GPR55: variants seen among roughly 807,000 people sequenced by gnomAD.
The protein encoded by GPR55 is G protein-coupled receptor 55, also known as G-protein coupled receptor 55.
A neutral mutation model predicts 7.9 loss-of-function variants in GPR55; 6 were observed. The ratio of observed to expected loss-of-function variants is 0.76; its 90% CI spans 0.41 to 1.49. GPR55 has a LOEUF of 1.49. GPR55 is among the 40% of genes most tolerant of loss of function. The probability of loss-of-function intolerance (pLI) is 0.01; values close to 1 mark genes in which losing one functional copy is unlikely to be tolerated. For missense variants in GPR55, 376 were observed against 406.0 expected, an observed-to-expected ratio of 0.93 and a Z score of 0.63; for synonymous variants, 183 against 166.8, an observed-to-expected ratio of 1.10 and a Z score of -0.75.
chr2:230,934,026 C>A (rs1407011012), intron 1 of GPR55, among the ~76,000 whole-genome samples: 1 of 152,134 alleles, frequency 6.6e-6, no homozygotes, highest in Admixed American at 6.5e-5. Flanking sequence ...TCCCTCTCCT[C>A]GCCTCTATTG....
chr2:230,956,511 A>C (rs987658790), intron 1 of GPR55, among the ~76,000 whole-genome samples: 22 of 152,198 alleles, frequency 1.4e-4, no homozygotes, highest in Admixed American at 7.9e-4. Flanking sequence ...AAAAGTTGAA[A>C]ATCAGTTAAA....
chr2:230,941,427 A>T (rs1476225498), intron 1 of GPR55, among the ~76,000 whole-genome samples: 1 of 152,234 alleles, frequency 6.6e-6, no homozygotes, highest in Non-Finnish European at 1.5e-5. Context: ...CCCCGCTCCC[A>T]GACCCAGGAC....
chr2:230,911,048 CAA>C lies in GPR55; in HGVS notation c.-88_-87del. The C allele has an allele frequency of 7.5e-7, 1 of 1,340,596 alleles. No individual in the cohort carries two copies. Among genetic ancestry groups the C allele is most frequent in the Non-Finnish European group, 1.0e-6 (1 of 970,188 alleles). The allele number at this position is 1,340,596 out of a possible 1,614,324, so 83.0% of individuals were successfully genotyped here. ...ATTCAAATGACTTTGTCAAGAATCACAAACACCTCCCCAGCATCACACAGCAA... is the reference window on the plus strand; with the variant it reads ...ATTCAAATGACTTTGTCAAGAATCACACACCTCCCCAGCATCACACAGCAA... On this transcript the variant is annotated 5_prime_UTR_variant, in exon 2 of 2. It removes the in-frame stop codon of an upstream open reading frame in the 5' UTR. Coordinates refer to ENST00000650999, the MANE Select transcript of GPR55 (RefSeq NM_005683.4).
intron 1 of GPR55, among the ~76,000 whole-genome samples, chr2:230,960,335 G>T (rs961124557): frequency 6.6e-6 from 1 of 152,174 alleles, no homozygotes; most frequent in African/African-American, 2.4e-5. Flanking sequence ...AGCCAGGAAG[G>T]TAAGATACAG....
At position 230,931,693 on chromosome 2, in the gene GPR55, C is replaced by T. The variant is rs116820336; in HGVS notation, c.-134-20597G>A. 3.9e-3 allele frequency among the ~76,000 whole-genome samples: 591 copies of T among 152,252 alleles called. 1 individual carries two copies. The highest frequency in any genetic ancestry group is 0.013 in the African/African-American group (557 of 41,538). On this transcript the variant is annotated intron_variant, in intron 1 of 1. Transcript: ENST00000392039. ...ACGAGGGCCCCACTTCACAGTCTGG[C>T]CTCACGGTGCGACCTCCTGCTGCTC...
intron 1 of GPR55, among the ~76,000 whole-genome samples, chr2:230,912,163 C>T (rs1373244949): frequency 6.6e-6 from 1 of 152,194 alleles, no homozygotes; most frequent in Non-Finnish European, 1.5e-5. Flanking sequence ...GAATGTGCCA[C>T]ATTCACTAGA....
intron 1 of GPR55, among the ~76,000 whole-genome samples, chr2:230,947,846 G>T (rs557399101): frequency 6.8e-4 from 104 of 152,122 alleles, no homozygotes; most frequent in African/African-American, 2.4e-3. Context: ...AACTTCAGCT[G>T]GTGCCCCCCC....
At chr2:230,950,438 C>T (rs1022147219) in intron 1 of GPR55, among the ~76,000 whole-genome samples, 1 of 152,168 alleles carries the variant, frequency 6.6e-6, no homozygotes, top group East Asian at 1.9e-4. Flanking sequence ...TCTCTTTCCC[C>T]TCTTTTTTGT....
In GPR55 at chr2:230,949,839, A is replaced by T. The variant is rs915192675; in HGVS notation, c.-135+10936T>A. ...TAATGCTTCTCTTCTCACTAAATTT[A>T]TTTTTTTTTTTTGAGACAAGAGTCT... On this transcript the variant is annotated intron_variant, in intron 1 of 1. Transcript: ENST00000392039. 6.1e-5 allele frequency among the ~76,000 whole-genome samples: 9 copies of T among 148,226 alleles called. No homozygotes were observed. The East Asian group carries it at 9.9e-4, about 16-fold the overall frequency.
At chr2:230,928,811 C>T (rs554350498), upstream of GPR55, among the ~76,000 whole-genome samples, 1 of 152,268 alleles carries the variant, frequency 6.6e-6, no homozygotes, top group South Asian at 2.1e-4. Context: ...GAAGAAGAGG[C>T]AAAGAGAGGA....
rs1475528337 is a variant in GPR55 at position 230,944,703 on chromosome 2, C to G, written c.-135+16072G>C. On this transcript the variant is annotated intron_variant, in intron 1 of 1. Coordinates refer to the GPR55 transcript ENST00000392039. This position sits in a 1 kb window ranked among gnomAD's most constrained non-coding sequence, Gnocchi z 4.2. ...AAATTTACTTTGATCTCATGTACCC[C>G]GTAAATACAGACACCTACTATGTAC... Among the ~76,000 whole-genome samples, 1 of 152,064 alleles carries G rather than the reference C, an allele frequency of 6.6e-6. No homozygotes were observed. Among genetic ancestry groups the G allele is most frequent in the Admixed American group, 6.5e-5 (1 of 15,272 alleles).
chr2:230,916,421 C>T (rs1287509011), intron 1 of GPR55, among the ~76,000 whole-genome samples: 2 of 148,472 alleles, frequency 1.3e-5, no homozygotes, highest in African/African-American at 2.5e-5. Flanking sequence ...ACTATTTGGG[C>T]GGCTATGTGG....
upstream of GPR55, among the ~76,000 whole-genome samples, chr2:230,927,140 C>T (rs929622436): frequency 6.6e-6 from 1 of 152,030 alleles, no homozygotes. Context: ...CTCCTAAATC[C>T]AGCTCTCACC....
rs774265920 is a variant in GPR55, at chr2:230,944,991, C to A, written c.-135+15784G>T. The stretch of plus-strand genomic sequence containing the variant: ...AACCAGGTAAGGTTCCCGCACATCG[C>A]CCTCCATGAAGCAGGAGCAGGAGCC... On this transcript the variant is annotated intron_variant, in intron 1 of 1. Coordinates refer to the GPR55 transcript ENST00000392039. This position sits in a 1 kb window ranked among gnomAD's most constrained non-coding sequence, Gnocchi z 4.2. 1.7e-4 allele frequency among the ~76,000 whole-genome samples: 26 copies of A among 152,240 alleles called. No individual in the cohort carries two copies. Among genetic ancestry groups the A allele is most frequent in the Non-Finnish European group, 2.4e-4 (16 of 68,048 alleles).
chr2:230,916,191 T>C (rs568328686), intron 1 of GPR55, among the ~76,000 whole-genome samples: 1 of 151,758 alleles, frequency 6.6e-6, no homozygotes, highest in African/African-American at 2.4e-5. Context: ...CTGGGCAACA[T>C]AGTGAAACTT....
At chr2:230,943,133 T>C (rs905645107) in intron 1 of GPR55, among the ~76,000 whole-genome samples, 1 of 148,312 alleles carries the variant, frequency 6.7e-6, no homozygotes, top group Non-Finnish European at 1.5e-5. Context: ...GAGAGAGCGC[T>C]CTCTGTAGCA....
intron 1 of GPR55, among the ~76,000 whole-genome samples, chr2:230,915,951 C>T (rs757870600): frequency 6.6e-6 from 1 of 151,388 alleles, no homozygotes; most frequent in African/African-American, 2.4e-5. Context: ...AAGAAGAGTG[C>T]AAGGATGAAA....
At chr2:230,949,843 T>A (rs75945727) in intron 1 of GPR55, among the ~76,000 whole-genome samples, 42 of 131,570 alleles carry the variant, frequency 3.2e-4, no homozygotes, top group African/African-American at 1.0e-3. Context: ...AAATTTATTT[T>A]TTTTTTTTGA....
At chr2:230,943,117 A>C (rs1470093750) in intron 1 of GPR55, among the ~76,000 whole-genome samples, 1 of 148,816 alleles carries the variant, frequency 6.7e-6, no homozygotes, top group Non-Finnish European at 1.5e-5. Context: ...AGAGAGAGAG[A>C]GGAGAGAGAG....
Sources: allele counts gnomAD v4.1 joint callset (sites outside exome capture counted in the v4.1 genomes callset), GRCh38; gene constraint gnomAD v4.1.1; non-coding constraint Gnocchi (gnomAD v3.1); transcripts MANE v1.5; gene names NCBI Gene and HGNC (gene_info 2026-07-23, HGNC 2026-07-21).